The following ASB4 variants were observed in gnomAD, a reference collection of about 807,000 sequenced individuals.
The protein encoded by ASB4 is ankyrin repeat and SOCS box protein 4.
ASB4 carries 35 observed loss-of-function variants against 38.6 expected under a neutral mutation model. The ratio of observed to expected loss-of-function variants is 0.91; its 90% CI spans 0.69 to 1.20. The LOEUF is 1.20. Ranked by LOEUF, ASB4 falls within the 50% of genes most tolerant of loss-of-function variation. ASB4 has a pLI of 0.00. For synonymous variants in ASB4, 195 were observed against 201.3 expected (o/e 0.97, Z 0.26); for missense variants, 557 against 527.2 (o/e 1.06, Z -0.55).
At chr7:95,486,864 A>C (rs1790098588) in intron 1 of ASB4, among the ~76,000 whole-genome samples, 2 of 152,224 alleles carry the variant, frequency 1.3e-5, no homozygotes, top group Admixed American at 1.3e-4. Flanking sequence ...AATTTTCTGG[A>C]ACCCATGCTT....
chr7:95,528,481 G>C, intron 3 of ASB4, 178 bp downstream of exon 3: 1 of 1,437,702 alleles, frequency 7.0e-7, no homozygotes, highest in African/African-American at 1.4e-5. Context: ...TCCTAGTCTA[G>C]GTTTGCTTGA....
intron 2 of ASB4, among the ~76,000 whole-genome samples, chr7:95,519,025 A>G (rs1441824991): frequency 6.6e-6 from 1 of 152,224 alleles, no homozygotes; most frequent in African/African-American, 2.4e-5. Context: ...TTGCTCTAGA[A>G]GAAGGTAGTT....
the ASB4 span, among the ~76,000 whole-genome samples, chr7:95,550,992 G>T: frequency 6.6e-6 from 1 of 152,076 alleles, no homozygotes. Context: ...TCAACCATGC[G>T]TTTTTAAATA....
At chr7:95,506,144 C>T (rs1790405011) in intron 2 of ASB4, among the ~76,000 whole-genome samples, 1 of 152,188 alleles carries the variant, frequency 6.6e-6, no homozygotes, top group South Asian at 2.1e-4. Flanking sequence ...AGTGATCCTC[C>T]TGCCTAGGCC....
intron 1 of ASB4, among the ~76,000 whole-genome samples, chr7:95,489,554 T>C (rs1790140747): frequency 6.6e-6 from 1 of 152,238 alleles, no homozygotes; most frequent in Admixed American, 6.5e-5. Flanking sequence ...AAGAAACTTT[T>C]CTCACATTTT....
chr7:95,485,839 A>G (rs1209213423), upstream of ASB4: 2 of 711,438 alleles, frequency 2.8e-6, no homozygotes, highest in South Asian at 2.3e-5. Context: ...AATGATCCCT[A>G]TATAAATAGA....
downstream of ASB4, among the ~76,000 whole-genome samples, chr7:95,541,775 G>C (rs1790973385): frequency 6.6e-6 from 1 of 152,212 alleles, no homozygotes; most frequent in East Asian, 1.9e-4. Flanking sequence ...GTGGGGGAAA[G>C]AGAAGGAGGA....
intron 1 of ASB4, 31 bp downstream of exon 1, chr7:95,486,189 G>C: frequency 6.5e-7 from 1 of 1,536,602 alleles, no homozygotes; most frequent in Non-Finnish European, 8.9e-7. Context: ...TTGTAGAACT[G>C]TTAGAAAATG....
chr7:95,513,103 T>C (rs1790505439), intron 2 of ASB4, among the ~76,000 whole-genome samples: 1 of 152,054 alleles, frequency 6.6e-6, no homozygotes, highest in African/African-American at 2.4e-5. Flanking sequence ...CTACCCACCA[T>C]TGTTAGCTTT....
the ASB4 span, among the ~76,000 whole-genome samples, chr7:95,546,742 T>C: frequency 1.1e-4 from 16 of 152,206 alleles, no homozygotes; most frequent in African/African-American, 3.9e-4. Context: ...TGGTCTCGAA[T>C]TGTATAAATA....
rs551278704 is a variant in ASB4, at chr7:95,507,878, G to T, written c.487+11821G>T. Among the ~76,000 whole-genome samples the T allele has an allele frequency of 4.6e-5, 7 of 152,220 alleles. No homozygotes were observed. The South Asian group carries it at 1.5e-3, about 32-fold the overall frequency. ...AGTTGAGAGTTAAACAGCTGCTATT[G>T]GATTTAGTGACATGGATGGAACTGA... On this transcript the variant is annotated intron_variant, in intron 2 of 4. Transcript: ENST00000325885.
In ASB4 at chr7:95,538,970, G is replaced by A. The variant is rs1273868263; in HGVS notation, c.*1211G>A. 1 of 152,186 alleles carries A rather than the reference G, an allele frequency of 6.6e-6. No individual in the cohort carries two copies. The highest frequency in any genetic ancestry group is 1.5e-5 in the Non-Finnish European group (1 of 68,026). The allele number at this position is 152,186 out of a possible 1,614,324, so 9.4% of individuals were successfully genotyped here. ...AAGTTTGAGAAACTTGGGAAGATTAGTGTGTTAATCAGGCTTGCTAGTTAG... is the reference window on the plus strand; with the variant it reads ...AAGTTTGAGAAACTTGGGAAGATTAATGTGTTAATCAGGCTTGCTAGTTAG... On this transcript the variant is annotated 3_prime_UTR_variant, in exon 5 of 5. Coordinates refer to ENST00000325885, the MANE Select transcript of ASB4 (RefSeq NM_016116.3).
intron 3 of ASB4, among the ~76,000 whole-genome samples, chr7:95,531,488 T>C (rs1385078344): frequency 1.3e-5 from 2 of 152,220 alleles, no homozygotes; most frequent in Non-Finnish European, 2.9e-5. Flanking sequence ...AATAGCCTTC[T>C]TGTAAGGCTG....
chr7:95,550,923 C>A, the ASB4 span, among the ~76,000 whole-genome samples: 1 of 152,082 alleles, frequency 6.6e-6, no homozygotes. Flanking sequence ...TCAACTTGGC[C>A]CCAGCTCTAA....
At chr7:95,478,367 ACACAGAG>A (rs1209685077), upstream of ASB4, 1 of 152,216 alleles carries the variant, frequency 6.6e-6, no homozygotes, top group Admixed American at 6.5e-5. Context: ...GAGACCTGGA[ACACAGAG>A]CTAATGCCCC....
intron 1 of ASB4, among the ~76,000 whole-genome samples, chr7:95,495,071 T>G (rs746293351): frequency 8.5e-5 from 13 of 152,252 alleles, no homozygotes; most frequent in South Asian, 2.1e-4. Flanking sequence ...TGTATTTGTC[T>G]TACTTTTGAC....
intron 1 of ASB4, among the ~76,000 whole-genome samples, chr7:95,490,306 C>G (rs953473449): frequency 7.2e-5 from 11 of 152,228 alleles, no homozygotes; most frequent in Admixed American, 4.6e-4. Context: ...CACTCTCCTG[C>G]TTTCCCATTT....
upstream of ASB4, chr7:95,485,804 C>A: frequency 1.8e-6 from 1 of 554,276 alleles, no homozygotes; most frequent in Non-Finnish European, 3.1e-6. Context: ...GTAGTGACAG[C>A]CAAGAAGGAT....
intron 3 of ASB4, among the ~76,000 whole-genome samples, chr7:95,533,652 T>A (rs1790849370): frequency 6.6e-6 from 1 of 152,208 alleles, no homozygotes; most frequent in African/African-American, 2.4e-5. Flanking sequence ...TTTGGAGTCA[T>A]GCAGACTTGA....
Sources: gnomAD v4.1 joint callset for allele counts (sites outside exome capture counted in the v4.1 genomes callset) on GRCh38, gnomAD v4.1.1 for gene constraint, MANE v1.5 for transcripts, NCBI Gene and HGNC (gene_info 2026-07-23, HGNC 2026-07-21) for gene names.